The following MTHFD1L variants were observed in gnomAD, a reference collection of about 807,000 sequenced individuals.
MTHFD1L encodes the protein methylenetetrahydrofolate dehydrogenase (NADP+ dependent) 1 like, also known as monofunctional C1-tetrahydrofolate synthase, mitochondrial.
MTHFD1L carries 81 observed loss-of-function variants against 119.5 expected under a neutral mutation model. The ratio of observed to expected loss-of-function variants is 0.68; its 90% confidence interval spans 0.57 to 0.82. The LOEUF is 0.82. Among genes scored for constraint, MTHFD1L ranks in the 40% least tolerant of loss-of-function variants. MTHFD1L has a pLI of 0.00. For synonymous variants in MTHFD1L, 430 were observed against 475.2 expected (o/e 0.90, Z 1.24); for missense variants, 1,125 against 1,253.4 (o/e 0.90, Z 1.55).
chr6:150,877,574 T>A (rs1780652499), intron 2 of MTHFD1L, 60 bp from the exon 3 acceptor site: 1 of 1,550,612 alleles, frequency 6.4e-7, no homozygotes, highest in African/African-American at 1.4e-5. Context: ...CATCTCTGGA[T>A]TATCTTTTGT....
chr6:150,871,891 A>ATTTTATTTTTATTTTTTTTT (rs1562287402), intron 1 of MTHFD1L, among the ~76,000 whole-genome samples: 1 of 147,054 alleles, frequency 6.8e-6, no homozygotes, highest in African/African-American at 2.5e-5. Flanking sequence ...ATTTTATTTT[A>ATTTTATTTTTATTTTTTTTT]TTTTTTGAGA....
chr6:150,993,035 A>T (rs1779263929), intron 20 of MTHFD1L, among the ~76,000 whole-genome samples: 1 of 152,202 alleles, frequency 6.6e-6, no homozygotes, highest in African/African-American at 2.4e-5. Flanking sequence ...GCAAACAAAG[A>T]TGCTGAATTG....
intron 26 of MTHFD1L, among the ~76,000 whole-genome samples, chr6:151,046,699 T>G (rs1788146307): frequency 6.6e-6 from 1 of 151,994 alleles, no homozygotes; most frequent in East Asian, 1.9e-4. Context: ...GTTACACTTT[T>G]CTCTTATTAC....
chr6:151,057,371 T>C, intron 26 of MTHFD1L: 1 of 985,002 alleles, frequency 1.0e-6, no homozygotes, highest in Non-Finnish European at 1.2e-6. Context: ...CCAGGTACTG[T>C]GGCTCACGTC....
intron 10 of MTHFD1L, among the ~76,000 whole-genome samples, chr6:150,925,655 G>A (rs1554250723): frequency 6.6e-6 from 1 of 151,016 alleles, no homozygotes; most frequent in South Asian, 2.1e-4. Flanking sequence ...CTTTTTTTTT[G>A]TACTTAATCT....
chr6:150,876,625 T>G (rs1440418189), intron 2 of MTHFD1L, among the ~76,000 whole-genome samples: 1 of 152,250 alleles, frequency 6.6e-6, no homozygotes, highest in Non-Finnish European at 1.5e-5. Flanking sequence ...GTCATTACCC[T>G]GTCAAAAGGG....
intron 19 of MTHFD1L, among the ~76,000 whole-genome samples, chr6:150,967,147 C>A (rs1380532153): frequency 1.3e-5 from 2 of 152,212 alleles, no homozygotes; most frequent in East Asian, 3.9e-4. Flanking sequence ...TTCTGCCCAG[C>A]TCTTGTCTGT....
intron 11 of MTHFD1L, among the ~76,000 whole-genome samples, chr6:150,935,974 A>G (rs536572475): frequency 2.6e-5 from 4 of 152,338 alleles, no homozygotes; most frequent in Middle Eastern, 6.8e-3. Flanking sequence ...TCTCTTCAAT[A>G]CCTAATACTG....
chr6:150,898,095 C>T (rs1228345435), intron 7 of MTHFD1L, among the ~76,000 whole-genome samples: 2 of 152,166 alleles, frequency 1.3e-5, no homozygotes, highest in African/African-American at 2.4e-5. Context: ...CCACCCACCT[C>T]GGCCTCCCAA....
chr6:151,052,977 G>C (rs757306424), intron 26 of MTHFD1L, among the ~76,000 whole-genome samples: 1 of 152,156 alleles, frequency 6.6e-6, no homozygotes, highest in Non-Finnish European at 1.5e-5. Context: ...CGTGGGGTGG[G>C]TCTATACCCA....
intron 20 of MTHFD1L, among the ~76,000 whole-genome samples, chr6:150,982,497 G>A (rs115785883): frequency 1.3e-3 from 196 of 152,222 alleles, no homozygotes; most frequent in African/African-American, 4.3e-3. Flanking sequence ...ATGCTACGGG[G>A]GACATTCTTG....
At chr6:150,992,249 A>C (rs1250756258) in intron 20 of MTHFD1L, among the ~76,000 whole-genome samples, 1 of 152,218 alleles carries the variant, frequency 6.6e-6, no homozygotes, top group Non-Finnish European at 1.5e-5. Context: ...GTATGTCCAC[A>C]CTGCTGGAGC....
chr6:150,867,268 T>C (rs1778553742), intron 1 of MTHFD1L, among the ~76,000 whole-genome samples: 1 of 152,198 alleles, frequency 6.6e-6, no homozygotes. Flanking sequence ...CTCGGCTCAA[T>C]GCAGCCTCCG....
chr6:151,099,490 G>A, intron 27 of MTHFD1L: 3 of 1,272,554 alleles, frequency 2.4e-6, no homozygotes, highest in Non-Finnish European at 3.4e-6. Flanking sequence ...CCTCGGCGCT[G>A]CCTATGGAGG....
Position 151,015,612 on chromosome 6 carries a change from A to C in MTHFD1L, c.2505A>C (p.Gly835=). 6.2e-7 allele frequency: 1 copy of C among 1,614,044 alleles called. No homozygotes were observed. Among genetic ancestry groups the C allele is most frequent in the Non-Finnish European group, 8.5e-7 (1 of 1,179,946 alleles). Residue 835 remains glycine, a synonymous_variant, in exon 24 of 28, where the codon GGA becomes GGC. Transcript: ENST00000367321. ...AVPCYHWSVG[G]KGSVDLARAV... The stretch of plus-strand genomic sequence containing the variant: ...CCTGCTATCACTGGTCCGTTGGTGG[A>C]AAAGGATCGGTGGACTTGGCTCGGG...
chr6:151,067,792 G>T (rs1425575420), intron 26 of MTHFD1L, among the ~76,000 whole-genome samples: 2 of 152,236 alleles, frequency 1.3e-5, no homozygotes, highest in African/African-American at 4.8e-5. Flanking sequence ...TCGCTGTATG[G>T]TTCATTCTTC....
intron 20 of MTHFD1L, among the ~76,000 whole-genome samples, chr6:151,003,526 C>T (rs1214765153): frequency 7.0e-6 from 1 of 143,794 alleles, no homozygotes; most frequent in Non-Finnish European, 1.5e-5. Context: ...GAGTGAAACT[C>T]CATATCCAAA....
Position 151,090,903 on chromosome 6 carries a change from G to T in MTHFD1L, c.2848-1564G>T, listed in dbSNP as rs543164653. Among the ~76,000 whole-genome samples, 705 of 139,746 alleles carry T rather than the reference G, an allele frequency of 5.0e-3. 12 individuals carry two copies. Among genetic ancestry groups the T allele is most frequent in the African/African-American group, 0.018 (647 of 35,322 alleles). The allele number at this position is 139,746 out of a possible 152,430, so 91.7% of individuals were successfully genotyped here. ...GACTGGGTGCAGCATTGCCCCATGC[G>T]ACTGGGTGCAGCATCGTTCCATGCG... is the stretch of plus-strand genomic sequence containing the variant. On this transcript the variant is annotated intron_variant, in intron 26 of 27. Coordinates refer to ENST00000367321, the MANE Select transcript of MTHFD1L (RefSeq NM_015440.5).
intron 27 of MTHFD1L, among the ~76,000 whole-genome samples, chr6:151,100,989 T>C (rs1374070643): frequency 6.6e-6 from 1 of 151,930 alleles, no homozygotes; most frequent in Non-Finnish European, 1.5e-5. Flanking sequence ...TGAAACCTCG[T>C]CTTTACTAAA....
Sources: gnomAD v4.1 joint callset for allele counts (sites outside exome capture counted in the v4.1 genomes callset) on GRCh38, gnomAD v4.1.1 for gene constraint, MANE v1.5 for transcripts, NCBI Gene and HGNC (gene_info 2026-07-23, HGNC 2026-07-21) for gene names.